MAML2: variants seen among roughly 807,000 people sequenced by gnomAD.
The protein encoded by MAML2 is mastermind-like protein 2.
A neutral mutation model predicts 96.1 loss-of-function variants in MAML2; 22 were observed. That is an observed-to-expected ratio of 0.23 (90% confidence interval 0.16 to 0.33). The LOEUF is 0.33. Ranked by LOEUF, MAML2 falls within the 10% of genes least tolerant of loss-of-function variation. The pLI is 1.00. For missense variants in MAML2, 1,367 were observed against 1,392.4 expected, an observed-to-expected ratio of 0.98 and a Z score of 0.29; for synonymous variants, 561 against 521.3, an observed-to-expected ratio of 1.08 and a Z score of -1.04.
chr11:96,303,556 A>T (rs1863419862), intron 1 of MAML2, among the ~76,000 whole-genome samples: 1 of 152,154 alleles, frequency 6.6e-6, no homozygotes, highest in Non-Finnish European at 1.5e-5. Context: ...GGCCCATATA[A>T]ATTTTTTATA....
chr11:96,164,101 C>G (rs1363948318), intron 1 of MAML2, among the ~76,000 whole-genome samples: 1 of 151,932 alleles, frequency 6.6e-6, no homozygotes, highest in African/African-American at 2.4e-5. Context: ...GTCTCGAACT[C>G]CTGACCTCAA....
intron 2 of MAML2, among the ~76,000 whole-genome samples, chr11:96,089,589 A>G (rs1455726852): frequency 6.6e-6 from 1 of 152,230 alleles, no homozygotes; most frequent in Middle Eastern, 3.2e-3. Flanking sequence ...GAACAATAGC[A>G]TCATTATCAG....
At chr11:96,072,207 C>T (rs187619115) in intron 2 of MAML2, among the ~76,000 whole-genome samples, 3 of 152,270 alleles carry the variant, frequency 2.0e-5, no homozygotes, top group Admixed American at 6.5e-5. Context: ...AAAAAAAAAG[C>T]TCTTGTTATA....
intron 1 of MAML2, among the ~76,000 whole-genome samples, 173 bp from the exon 2 acceptor site, chr11:96,093,690 A>G (rs1377451329): frequency 6.6e-6 from 1 of 152,204 alleles, no homozygotes; most frequent in African/African-American, 2.4e-5. Flanking sequence ...TTATAATAAA[A>G]CTCTCAGTAG....
At chr11:96,326,169 A>T (rs139714961) in intron 1 of MAML2, among the ~76,000 whole-genome samples, 1 of 144,984 alleles carries the variant, frequency 6.9e-6, no homozygotes, top group African/African-American at 2.6e-5. Flanking sequence ...CCAACACAAG[A>T]CCCAACATGT....
intron 1 of MAML2, among the ~76,000 whole-genome samples, chr11:96,314,261 C>A (rs1184649789): frequency 6.6e-6 from 1 of 152,202 alleles, no homozygotes; most frequent in Non-Finnish European, 1.5e-5. Flanking sequence ...TTGGCCTGTG[C>A]CCCCTGAGCT....
rs1022916186 is a variant in MAML2 at position 95,977,832 on chromosome 11, C to T, written c.*1116G>A. 4.4e-6 allele frequency: 1 copy of T among 226,060 alleles called. No individual in the cohort carries two copies. Among genetic ancestry groups the T allele is most frequent in the Non-Finnish European group, 8.8e-6 (1 of 113,466 alleles). The allele number at this position is 226,060 out of a possible 1,614,324, so 14.0% of individuals were successfully genotyped here. A position where few individuals can be genotyped will look rare whatever the true frequency, so the allele number is the denominator to read the frequency against. On this transcript the variant is annotated 3_prime_UTR_variant, in exon 5 of 5. Coordinates refer to ENST00000524717, the MANE Select transcript of MAML2 (RefSeq NM_032427.4). ...CTCACCCAAATCCAAATAATACGTC[C>T]AATGAAGGACAAATTGTTTTCCCTC...
chr11:96,304,469 C>T (rs1863436601), intron 1 of MAML2, among the ~76,000 whole-genome samples: 1 of 152,158 alleles, frequency 6.6e-6, no homozygotes, highest in Non-Finnish European at 1.5e-5. Context: ...AGTACAGTGA[C>T]AGTTAAAACA....
intron 4 of MAML2, among the ~76,000 whole-genome samples, chr11:95,983,442 G>A (rs1298363565): frequency 1.3e-5 from 2 of 152,096 alleles, no homozygotes; most frequent in East Asian, 3.8e-4. Flanking sequence ...ATGGTTAATG[G>A]ATACAAAATT....
At chr11:96,033,813 TG>T (rs1858656651) in intron 2 of MAML2, among the ~76,000 whole-genome samples, 1 of 152,128 alleles carries the variant, frequency 6.6e-6, no homozygotes, top group East Asian at 1.9e-4. Flanking sequence ...AGAGAGCTCT[TG>T]GAAGGGAGAT....
At chr11:96,188,909 TA>T (rs34113170) in intron 1 of MAML2, among the ~76,000 whole-genome samples, 8 of 149,586 alleles carry the variant, frequency 5.3e-5, no homozygotes, top group South Asian at 2.1e-4. Context: ...TGTTCAACAT[TA>T]AAAAAAAAAT....
intron 1 of MAML2, among the ~76,000 whole-genome samples, chr11:96,125,565 G>T (rs1860424298): frequency 6.6e-6 from 1 of 152,132 alleles, no homozygotes; most frequent in Non-Finnish European, 1.5e-5. Context: ...GTGTGTGCTG[G>T]GTTGGCACAC....
rs555093956 is a variant in MAML2, at chr11:96,264,935, G to C, written c.513+76448C>G. Among the ~76,000 whole-genome samples the C allele has an allele frequency of 2.3e-4, 35 of 152,322 alleles. No individual in the cohort carries two copies. In the South Asian group the frequency reaches 7.2e-3, roughly 32 times the overall value. On this transcript the variant is annotated intron_variant, in intron 1 of 4. Transcript: ENST00000524717. ...GCTATAAGCCCACTACATCCTGTGA[G>C]GAGAAGAGTTTGAAGAGCAAGACCT...
chr11:95,999,973 C>T (rs1189317218), intron 2 of MAML2, among the ~76,000 whole-genome samples: 3 of 152,128 alleles, frequency 2.0e-5, no homozygotes, highest in African/African-American at 7.2e-5. Context: ...TATTCATCTT[C>T]GGAACTGTCT....
chr11:96,191,511 C>CA (rs1484152908), intron 1 of MAML2, among the ~76,000 whole-genome samples: 3 of 110,800 alleles, frequency 2.7e-5, no homozygotes, highest in Non-Finnish European at 4.0e-5. Context: ...AGCGGTGGCT[C>CA]AGCCCGTAAT....
chr11:96,295,937 AACACACACACACACACACACACAC>A (rs56231526), intron 1 of MAML2, among the ~76,000 whole-genome samples: 1 of 137,782 alleles, frequency 7.3e-6, no homozygotes, highest in Admixed American at 7.2e-5. Context: ...CAGAACAGTA[AACACACACACACACACACACACAC>A]ACACACACAC....
intron 2 of MAML2, among the ~76,000 whole-genome samples, chr11:96,089,487 T>G (rs572443924): frequency 1.3e-5 from 2 of 152,196 alleles, no homozygotes; most frequent in Non-Finnish European, 2.9e-5. Context: ...AAAATTGCCC[T>G]GATAGGATGA....
At chr11:96,218,527 A>G (rs1425878916) in intron 1 of MAML2, among the ~76,000 whole-genome samples, 2 of 152,180 alleles carry the variant, frequency 1.3e-5, no homozygotes, top group South Asian at 2.1e-4. Context: ...AAACTCAGAG[A>G]TTTTTATATT....
At position 96,219,648 on chromosome 11, in the gene MAML2, C is replaced by T. The variant is rs559912460; in HGVS notation, c.513+121735G>A. 2.0e-5 allele frequency among the ~76,000 whole-genome samples: 3 copies of T among 152,162 alleles called. No individual in the cohort carries two copies. The South Asian group carries it at 6.2e-4, about 32-fold the overall frequency. ...GTTCATTATTATTATTATTTTGAGA[C>T]AGGGTCTCACTCTGTCATGTAGGCT... On this transcript the variant is annotated intron_variant, in intron 1 of 4. Transcript: ENST00000524717.
Sources: gnomAD v4.1 joint callset for allele counts (sites outside exome capture counted in the v4.1 genomes callset) on GRCh38, gnomAD v4.1.1 for gene constraint, MANE v1.5 for transcripts, NCBI Gene and HGNC (gene_info 2026-07-23, HGNC 2026-07-21) for gene names.